LARGE1: variants seen among roughly 807,000 people sequenced by gnomAD.
LARGE1 encodes the protein xylosyl- and glucuronyltransferase LARGE1.
Under a neutral mutation model 87.6 loss-of-function variants are expected in LARGE1, and 43 were observed. The ratio of observed to expected loss-of-function variants is 0.49; its 90% CI spans 0.38 to 0.63. LARGE1 has a LOEUF of 0.63. Among genes scored for constraint, LARGE1 ranks in the 30% least tolerant of loss-of-function variants. The pLI, the probability that LARGE1 is intolerant of heterozygous loss-of-function variation, is 0.00. For synonymous variants in LARGE1, 434 were observed against 394.6 expected (o/e 1.10, Z -1.18); for missense variants, 802 against 1,000.2 (o/e 0.80, Z 2.67).
intron 12 of LARGE1, among the ~76,000 whole-genome samples, chr22:33,294,568 C>T (rs1932976084): frequency 6.6e-6 from 1 of 152,162 alleles, no homozygotes; most frequent in African/African-American, 2.4e-5. Context: ...GAAAAACCGG[C>T]CTCCCCGTAC....
At chr22:33,244,403 G>A (rs1226239710) in intron 11 of LARGE1, among the ~76,000 whole-genome samples, 1 of 152,160 alleles carries the variant, frequency 6.6e-6, no homozygotes, top group African/African-American at 2.4e-5. Flanking sequence ...AGGAAACTGA[G>A]TCTCAAAAAG....
At chr22:33,757,839 G>T (rs952725005) in intron 2 of LARGE1, among the ~76,000 whole-genome samples, 2 of 152,150 alleles carry the variant, frequency 1.3e-5, no homozygotes, top group African/African-American at 2.4e-5. Flanking sequence ...GTCTCTGCGG[G>T]CCCTTTGGGA....
At chr22:33,560,411 T>G (rs2077820543) in intron 6 of LARGE1, among the ~76,000 whole-genome samples, 1 of 152,162 alleles carries the variant, frequency 6.6e-6, no homozygotes. Flanking sequence ...AGTTTGACCA[T>G]ACCTGCTGTA....
At chr22:33,090,519 G>C in the LARGE1 span, among the ~76,000 whole-genome samples, 3 of 152,172 alleles carry the variant, frequency 2.0e-5, no homozygotes, top group Non-Finnish European at 4.4e-5. Context: ...CTGGCAGAGA[G>C]AGTAGCACTG....
At chr22:33,521,337 T>C (rs777047434) in intron 6 of LARGE1, among the ~76,000 whole-genome samples, 3 of 152,220 alleles carry the variant, frequency 2.0e-5, no homozygotes, top group Non-Finnish European at 4.4e-5. Flanking sequence ...TAAGTACAGC[T>C]GTTGGATCAG....
At chr22:33,223,589 C>T (rs1291590686) in intron 11 of LARGE1, among the ~76,000 whole-genome samples, 2 of 152,068 alleles carry the variant, frequency 1.3e-5, no homozygotes, top group Non-Finnish European at 2.9e-5. Flanking sequence ...GTTCTTATAC[C>T]ATATTAGGGA....
At chr22:33,272,306 T>C (rs755690841), downstream of LARGE1, among the ~76,000 whole-genome samples, 3 of 152,202 alleles carry the variant, frequency 2.0e-5, no homozygotes, top group Admixed American at 6.5e-5. Flanking sequence ...TGTATCTGTG[T>C]ATCTGTCTGT....
chr22:33,341,990 C>A (rs1426742330), intron 9 of LARGE1, among the ~76,000 whole-genome samples: 1 of 152,152 alleles, frequency 6.6e-6, no homozygotes, highest in Non-Finnish European at 1.5e-5. Flanking sequence ...AGACGGCTGG[C>A]AGGGATGAAA....
chr22:33,916,671 T>G (rs1184505494), intron 1 of LARGE1, among the ~76,000 whole-genome samples: 1 of 152,162 alleles, frequency 6.6e-6, no homozygotes, highest in Non-Finnish European at 1.5e-5. Flanking sequence ...CCACCCCCAA[T>G]GCAGTATGCT....
At chr22:33,203,146 A>T (rs1042179757) in intron 11 of LARGE1, among the ~76,000 whole-genome samples, 1 of 134,938 alleles carries the variant, frequency 7.4e-6, no homozygotes, top group Non-Finnish European at 1.7e-5. Context: ...TGAGAGAGAA[A>T]GAGAGAGACA....
In LARGE1 at chr22:33,274,277, C is replaced by T; in HGVS notation, c.*150G>A. Reference sequence around the variant, plus strand: ...CTGGCTGGATCCTTGTCCAAGGTCTCTGTAGTGAGGGCAGCTTGGCTGGGC... The same window carrying T: ...CTGGCTGGATCCTTGTCCAAGGTCTTTGTAGTGAGGGCAGCTTGGCTGGGC... On this transcript the variant is annotated 3_prime_UTR_variant, in exon 15 of 15. Transcript: ENST00000397394. 1.3e-6 allele frequency: 1 copy of T among 788,536 alleles called. No homozygotes were observed. The highest frequency in any genetic ancestry group is 2.1e-6 in the Non-Finnish European group (1 of 465,264). 48.8% of individuals were successfully genotyped at this position (788,536 alleles called of 1,614,324 possible). A position where few individuals can be genotyped will look rare whatever the true frequency, so the allele number is the denominator to read the frequency against.
chr22:33,808,697 A>G (rs189035288), intron 1 of LARGE1, among the ~76,000 whole-genome samples: 1 of 152,210 alleles, frequency 6.6e-6, no homozygotes, highest in Non-Finnish European at 1.5e-5. Flanking sequence ...CTGGAGTTGC[A>G]CTTCTTTGAG....
intron 9 of LARGE1, among the ~76,000 whole-genome samples, chr22:33,368,772 G>A (rs891562350): frequency 3.3e-5 from 5 of 151,918 alleles, no homozygotes; most frequent in Non-Finnish European, 5.9e-5. Context: ...TTGGTTTTCC[G>A]ATACATATAA....
chr22:33,333,013 C>CTTTTTTTT (rs113084979), intron 10 of LARGE1, among the ~76,000 whole-genome samples: 1 of 140,524 alleles, frequency 7.1e-6, no homozygotes, highest in African/African-American at 2.8e-5. Flanking sequence ...GGGCAATGTC[C>CTTTTTTTT]TTTTTTTTTT....
At chr22:33,278,553 T>TCTCTCACACA (rs1304691630) in intron 13 of LARGE1, among the ~76,000 whole-genome samples, 7 of 148,670 alleles carry the variant, frequency 4.7e-5, no homozygotes, top group Non-Finnish European at 7.4e-5. Context: ...TCTCTCTCTC[T>TCTCTCACACA]CACACACACA....
At chr22:33,099,525 T>C in the LARGE1 span, among the ~76,000 whole-genome samples, 5 of 152,194 alleles carry the variant, frequency 3.3e-5, no homozygotes, top group African/African-American at 1.2e-4. Context: ...GTGCTGGGAT[T>C]ACAGTCTTGA....
intron 4 of LARGE1, among the ~76,000 whole-genome samples, chr22:33,620,031 T>C (rs2079698651): frequency 6.6e-6 from 1 of 152,186 alleles, no homozygotes; most frequent in Non-Finnish European, 1.5e-5. Context: ...CTTCTTTGTT[T>C]TATTCAAATC....
chr22:33,649,742 T>A (rs2080733722), intron 3 of LARGE1, among the ~76,000 whole-genome samples: 1 of 152,184 alleles, frequency 6.6e-6, no homozygotes, highest in Admixed American at 6.5e-5. Flanking sequence ...GGGGAATGAG[T>A]GTATGTGTGT....
chr22:33,284,782 T>TA (rs746308003), intron 12 of LARGE1, among the ~76,000 whole-genome samples: 83 of 152,298 alleles, frequency 5.4e-4, no homozygotes, highest in Non-Finnish European at 1.0e-3. Context: ...TTCACCGTGT[T>TA]GGCAGGATGG....
Sources: gnomAD v4.1 joint callset for allele counts (sites outside exome capture counted in the v4.1 genomes callset) on GRCh38, gnomAD v4.1.1 for gene constraint, MANE v1.5 for transcripts, NCBI Gene and HGNC (gene_info 2026-07-23, HGNC 2026-07-21) for gene names.